SRP72: variants seen among roughly 807,000 people sequenced by gnomAD.
The protein encoded by SRP72 is signal recognition particle 72, also known as signal recognition particle subunit SRP72.
A neutral mutation model predicts 96.3 loss-of-function variants in SRP72; 49 were observed. The observed-to-expected ratio is 0.51, with a 90% confidence interval of 0.40 to 0.65. SRP72 has a LOEUF of 0.65. Ranked by LOEUF, SRP72 falls within the 30% of genes least tolerant of loss-of-function variation. The probability of loss-of-function intolerance (pLI) is 0.00; values close to 1 mark genes in which losing one functional copy is unlikely to be tolerated. For synonymous variants in SRP72, 267 were observed against 275.2 expected (o/e 0.97, Z 0.30); for missense variants, 736 against 793.3 (o/e 0.93, Z 0.87).
At chr4:56,481,296 A>G (rs1264572756) in intron 8 of SRP72, among the ~76,000 whole-genome samples, 1 of 152,206 alleles carries the variant, frequency 6.6e-6, no homozygotes, top group African/African-American at 2.4e-5. Flanking sequence ...GCACAGTGGT[A>G]TCATGTATTT....
Position 56,483,188 on chromosome 4 carries a change from AAGG to A in SRP72, c.878_880del (p.Gly293del), listed in dbSNP as rs770309740. ...AAGAAAGTGAAATTAACCAATGCGG[AAGG>A]AGTAGAGTTTAAGCTTTCCAAGAAA... On this transcript the variant is annotated inframe_deletion, in exon 9 of 19. Coordinates refer to ENST00000642900, the MANE Select transcript of SRP72 (RefSeq NM_006947.4). The A allele has an allele frequency of 1.2e-6, 2 of 1,612,008 alleles. No homozygotes were observed. Among genetic ancestry groups the A allele is most frequent in the South Asian group, 2.2e-5 (2 of 90,982 alleles).
rs371710253 is a variant in SRP72, at chr4:56,486,435, A to G, written c.1159+38A>G. On this transcript the variant is annotated intron_variant, in intron 11 of 18. Coordinates refer to ENST00000642900, the MANE Select transcript of SRP72 (RefSeq NM_006947.4). ...TCATCATGATTAAAATATTTTAATGAAAACATGTTTGGAATGATTAAGCAG... is the reference window on the plus strand; with the variant it reads ...TCATCATGATTAAAATATTTTAATGGAAACATGTTTGGAATGATTAAGCAG... 1.5e-5 allele frequency: 22 copies of G among 1,515,316 alleles called. No homozygotes were observed. In the East Asian group the frequency reaches 1.9e-4, roughly 13 times the overall value. The allele number at this position is 1,515,316 out of a possible 1,614,324, so 93.9% of individuals were successfully genotyped here.
At chr4:56,498,390 C>T (rs1721152468) in intron 17 of SRP72, among the ~76,000 whole-genome samples, 1 of 152,156 alleles carries the variant, frequency 6.6e-6, no homozygotes, top group Non-Finnish European at 1.5e-5. Flanking sequence ...TCTCTCACCA[C>T]TCCCATTCAA....
intron 2 of SRP72, 120 bp downstream of exon 2, chr4:56,469,893 T>C (rs1241474725): frequency 6.2e-6 from 6 of 960,656 alleles, no homozygotes; most frequent in East Asian, 2.7e-5. Context: ...CCTTCCTTTT[T>C]TTCCCCCCTT....
chr4:56,487,102 A>G (rs542986018), intron 11 of SRP72, among the ~76,000 whole-genome samples: 1 of 152,332 alleles, frequency 6.6e-6, no homozygotes, highest in African/African-American at 2.4e-5. Flanking sequence ...TAGGACATTT[A>G]TATCATCACA....
chr4:56,473,676 A>T (rs755513355), intron 3 of SRP72, among the ~76,000 whole-genome samples: 2 of 151,782 alleles, frequency 1.3e-5, no homozygotes, highest in Non-Finnish European at 2.9e-5. Flanking sequence ...GAGGCAGGAG[A>T]ATCTCTTGAA....
At chr4:56,478,763 C>G (rs1195752177) in intron 8 of SRP72, 114 bp downstream of exon 8, 1 of 1,004,090 alleles carries the variant, frequency 1.0e-6, no homozygotes, top group African/African-American at 1.6e-5. Context: ...TGAAAAAAGT[C>G]CAGTTGTAGC....
At chr4:56,484,625 T>G (rs1720634368) in intron 9 of SRP72, 111 bp from the exon 10 acceptor site, 1 of 1,391,702 alleles carries the variant, frequency 7.2e-7, no homozygotes, top group Admixed American at 1.9e-5. Flanking sequence ...GGCAGTTCTT[T>G]GGTTAATATT....
chr4:56,494,774 A>G (rs764834686), intron 16 of SRP72, among the ~76,000 whole-genome samples: 6 of 152,078 alleles, frequency 3.9e-5, no homozygotes, highest in Admixed American at 1.3e-4. Flanking sequence ...TTTTTGGTCA[A>G]TGTACTTAAT....
chr4:56,474,254 T>C, intron 4 of SRP72, 26 bp from the exon 5 acceptor site: 1 of 1,613,602 alleles, frequency 6.2e-7, no homozygotes, highest in Non-Finnish European at 8.5e-7. Flanking sequence ...TATTTAGTAT[T>C]TAACTGGTAT....
Position 56,471,713 on chromosome 4 carries a change from T to C in SRP72, c.231-7T>C. 1 of 1,611,480 alleles carries C rather than the reference T, an allele frequency of 6.2e-7. No individual in the cohort carries two copies. The highest frequency in any genetic ancestry group is 8.5e-7 in the Non-Finnish European group (1 of 1,179,170). Reference sequence around the variant, plus strand: ...TAATCAGATACTGTTTTTTTTTCCTTCTTCAGTAACTCTCTCTCCTTTGAA... The same window carrying C: ...TAATCAGATACTGTTTTTTTTTCCTCCTTCAGTAACTCTCTCTCCTTTGAA... On this transcript the variant is annotated splice_polypyrimidine_tract_variant and splice_region_variant and intron_variant, in intron 2 of 18. Coordinates refer to ENST00000642900, the MANE Select transcript of SRP72 (RefSeq NM_006947.4).
At position 56,489,498 on chromosome 4, in the gene SRP72, T is replaced by C; in HGVS notation, c.1320+15T>C. 6.8e-7 allele frequency: 1 copy of C among 1,479,126 alleles called. No individual in the cohort carries two copies. The highest frequency in any genetic ancestry group is 9.3e-7 in the Non-Finnish European group (1 of 1,070,196). 91.6% of individuals were successfully genotyped at this position (1,479,126 alleles called of 1,614,324 possible). ...AAAACCATCAGGTAAATAAATGGAG[T>C]AAAATGTTATGAGAGCATGTTTTTA... On this transcript the variant is annotated intron_variant, in intron 13 of 18. Transcript: ENST00000642900.
At chr4:56,490,302 A>T in intron 13 of SRP72, 31 bp from the exon 14 acceptor site, 1 of 1,581,790 alleles carries the variant, frequency 6.3e-7, no homozygotes, top group Non-Finnish European at 8.6e-7. Context: ...TTTAACTTGA[A>T]ACTTTTTTTT....
chr4:56,476,705 A>G lies in SRP72; in HGVS notation c.642+3A>G. 1.2e-6 allele frequency: 2 copies of G among 1,612,614 alleles called. No homozygotes were observed. The highest frequency in any genetic ancestry group is 1.7e-6 in the Non-Finnish European group (2 of 1,179,666). On this transcript the variant is annotated splice_donor_region_variant and intron_variant, in intron 6 of 18. Transcript: ENST00000642900. ...GCCGTTCATTATCAGAAGACACTGT[A>G]AGTATTCCATCATTGTTAAACCTAA... is the stretch of plus-strand genomic sequence containing the variant.
chr4:56,502,174 G>T lies in SRP72; in HGVS notation c.*313G>T. On this transcript the variant is annotated 3_prime_UTR_variant, in exon 19 of 19. Coordinates refer to ENST00000642900, the MANE Select transcript of SRP72 (RefSeq NM_006947.4). ...TTTCAGTTTCACATACCTTATCTAA[G>T]GTTTCCCAGGATTTAAACAGAAACT... 8.4e-6 allele frequency: 2 copies of T among 238,970 alleles called. No individual in the cohort carries two copies. Among genetic ancestry groups the T allele is most frequent in the South Asian group, 1.1e-4 (2 of 18,124 alleles). 14.8% of individuals were successfully genotyped at this position (238,970 alleles called of 1,614,324 possible).
chr4:56,490,490 A>T (rs188870893), intron 14 of SRP72, 54 bp downstream of exon 14: 1 of 1,597,576 alleles, frequency 6.3e-7, no homozygotes, highest in African/African-American at 1.3e-5. Context: ...TTGCTACTTG[A>T]TATGAGGGAG....
intron 11 of SRP72, 57 bp from the exon 12 acceptor site, chr4:56,487,890 ATT>A: frequency 7.6e-7 from 1 of 1,323,734 alleles, no homozygotes. Context: ...AATTTCTTGT[ATT>A]TTTTTTTCAT....
intron 8 of SRP72, among the ~76,000 whole-genome samples, chr4:56,480,646 T>G (rs1282801327): frequency 6.6e-6 from 1 of 152,204 alleles, no homozygotes; most frequent in Admixed American, 6.5e-5. Flanking sequence ...ACATAACTTA[T>G]ACACTGAACT....
At chr4:56,494,184 T>G (rs1188651360) in intron 16 of SRP72, among the ~76,000 whole-genome samples, 1 of 150,892 alleles carries the variant, frequency 6.6e-6, no homozygotes, top group East Asian at 1.9e-4. Flanking sequence ...GCACACTGGG[T>G]AAGAGATGAA....
Sources: gnomAD v4.1 joint callset for allele counts (sites outside exome capture counted in the v4.1 genomes callset) on GRCh38, gnomAD v4.1.1 for gene constraint, MANE v1.5 for transcripts, NCBI Gene and HGNC (gene_info 2026-07-23, HGNC 2026-07-21) for gene names.